NCOA2: variants seen among roughly 807,000 people sequenced by gnomAD.
NCOA2 encodes nuclear receptor coactivator 2.
NCOA2 carries 21 observed loss-of-function variants against 145.1 expected under a neutral mutation model. The ratio of observed to expected loss-of-function variants is 0.14; its 90% CI spans 0.10 to 0.21. The LOEUF is 0.21. Ranked by LOEUF, NCOA2 falls within the 10% of genes least tolerant of loss-of-function variation. NCOA2 has a pLI of 1.00. For synonymous variants in NCOA2, 619 were observed against 637.5 expected (o/e 0.97, Z 0.44); for missense variants, 1,472 against 1,837.6 (o/e 0.80, Z 3.64).
chr8:70,405,650 T>A (rs886107285), upstream of NCOA2, among the ~76,000 whole-genome samples: 1 of 151,472 alleles, frequency 6.6e-6, no homozygotes, highest in Non-Finnish European at 1.5e-5. Flanking sequence ...AACTGTGAGT[T>A]ATCAGGAGTT....
chr8:70,316,992 C>T (rs1236020455), intron 1 of NCOA2, among the ~76,000 whole-genome samples: 1 of 152,142 alleles, frequency 6.6e-6, no homozygotes, highest in East Asian at 1.9e-4. Flanking sequence ...ACTCTGATCT[C>T]TGCGTGGAGC....
chr8:70,280,541 C>T (rs188345740), intron 2 of NCOA2, among the ~76,000 whole-genome samples: 2 of 152,162 alleles, frequency 1.3e-5, no homozygotes, highest in East Asian at 3.9e-4. Context: ...CAACTACTTC[C>T]CTATGGGTGG....
chr8:70,150,065 A>T (rs967939315), intron 11 of NCOA2, among the ~76,000 whole-genome samples: 2 of 152,256 alleles, frequency 1.3e-5, no homozygotes, highest in African/African-American at 4.8e-5. Context: ...TTCTCAAGTT[A>T]GGAAGAATAG....
At chr8:70,193,389 T>G (rs541222498) in intron 4 of NCOA2, among the ~76,000 whole-genome samples, 31 of 152,246 alleles carry the variant, frequency 2.0e-4, no homozygotes, top group Admixed American at 1.1e-3. Context: ...TTAAAAGGTC[T>G]CTTTCTTTCT....
At chr8:70,183,563 A>G (rs1815721400) in intron 4 of NCOA2, among the ~76,000 whole-genome samples, 1 of 152,192 alleles carries the variant, frequency 6.6e-6, no homozygotes, top group Non-Finnish European at 1.5e-5. Context: ...TATACACCAT[A>G]GCAATATTTA....
intron 1 of NCOA2, among the ~76,000 whole-genome samples, chr8:70,358,694 T>C (rs1809955810): frequency 6.6e-6 from 1 of 152,194 alleles, no homozygotes; most frequent in African/African-American, 2.4e-5. Flanking sequence ...TTTACAACCT[T>C]GACTTGGCAC....
intron 2 of NCOA2, among the ~76,000 whole-genome samples, chr8:70,263,167 T>C (rs946368848): frequency 2.0e-5 from 3 of 147,224 alleles, no homozygotes; most frequent in African/African-American, 7.6e-5. Flanking sequence ...AGCACTGCGA[T>C]ACCTAGACAG....
the NCOA2 span, among the ~76,000 whole-genome samples, chr8:70,446,686 C>T: frequency 6.6e-6 from 1 of 152,074 alleles, no homozygotes; most frequent in African/African-American, 2.4e-5. Flanking sequence ...TTTTCAATTT[C>T]GCTCAGTTTT....
At position 70,385,297 on chromosome 8, in the gene NCOA2, G is replaced by A. The variant is rs182507929; in HGVS notation, c.-77+18403C>T. 4.2e-3 allele frequency among the ~76,000 whole-genome samples: 636 copies of A among 152,244 alleles called. 2 individuals carry two copies. The highest frequency in any genetic ancestry group is 7.0e-3 in the Non-Finnish European group (475 of 68,014). On this transcript the variant is annotated intron_variant, in intron 1 of 22. Transcript: ENST00000452400. ...GATTCAAAGTGACAATAACAACAGC[G>A]AACATTTACAAAAATTGGGGCGCAA...
intron 1 of NCOA2, among the ~76,000 whole-genome samples, chr8:70,397,787 C>T (rs1326073238): frequency 6.6e-6 from 1 of 152,190 alleles, no homozygotes; most frequent in African/African-American, 2.4e-5. Context: ...GTAAGCTAAT[C>T]AGTTAAGGGG....
In NCOA2 at chr8:70,248,408, G is replaced by A. The variant is rs186113774; in HGVS notation, c.-19-31644C>T. On this transcript the variant is annotated intron_variant, in intron 2 of 22. Coordinates refer to ENST00000452400, the MANE Select transcript of NCOA2 (RefSeq NM_006540.4). ...TCTCCTCATCCCTGCCAACAACCAC[G>A]ATACTCTGATTTTCTGTTACCACAG... Among the ~76,000 whole-genome samples the A allele has an allele frequency of 1.3e-3, 198 of 152,208 alleles. 1 individual carries two copies. The highest frequency in any genetic ancestry group is 4.4e-3 in the African/African-American group (182 of 41,530).
chr8:70,446,979 C>T, the NCOA2 span, among the ~76,000 whole-genome samples: 2 of 152,090 alleles, frequency 1.3e-5, no homozygotes. Flanking sequence ...GCTAAAATCA[C>T]CAAATCAAAA....
intron 2 of NCOA2, among the ~76,000 whole-genome samples, chr8:70,243,886 G>A (rs932732593): frequency 6.7e-6 from 1 of 150,250 alleles, no homozygotes; most frequent in Non-Finnish European, 1.5e-5. Context: ...TCTATGTAAA[G>A]TGCCAGTGTT....
intron 7 of NCOA2, among the ~76,000 whole-genome samples, chr8:70,165,647 A>G (rs1813524648): frequency 6.6e-6 from 1 of 152,198 alleles, no homozygotes; most frequent in South Asian, 2.1e-4. Context: ...TTTATGGCAA[A>G]CAGCCTAATA....
intron 1 of NCOA2, among the ~76,000 whole-genome samples, chr8:70,320,235 C>G (rs1805935333): frequency 6.6e-6 from 1 of 151,860 alleles, no homozygotes; most frequent in South Asian, 2.1e-4. Context: ...AGCTATATAT[C>G]TGGGTCTGTT....
At chr8:70,373,532 G>A (rs937927800) in intron 1 of NCOA2, among the ~76,000 whole-genome samples, 1 of 152,146 alleles carries the variant, frequency 6.6e-6, no homozygotes, top group East Asian at 1.9e-4. Flanking sequence ...TAGAACAGCA[G>A]ACAGCTTTAT....
Position 70,166,603 on chromosome 8 carries a change from A to G in NCOA2, c.693T>C (p.Ala231=), listed in dbSNP as rs745716393. The G allele has an allele frequency of 1.3e-5, 21 of 1,614,042 alleles. No homozygotes were observed. The East Asian group carries it at 4.2e-4, about 33-fold the overall frequency. Reference sequence around the variant, plus strand: ...CTTTGATGGACTTTGGTTGAGAGACAGCGAAGCACTGCATAGTTTCATATT... The same window carrying G: ...CTTTGATGGACTTTGGTTGAGAGACGGCGAAGCACTGCATAGTTTCATATT... ...HQKYETMQCF[A]VSQPKSIKEE... The change falls in exon 7 of 23, where the codon GCT becomes GCC. Residue 231 remains alanine (A), a synonymous_variant. Coordinates refer to ENST00000452400, the MANE Select transcript of NCOA2 (RefSeq NM_006540.4).
At chr8:70,414,682 C>T in the NCOA2 span, among the ~76,000 whole-genome samples, 8 of 152,134 alleles carry the variant, frequency 5.3e-5, no homozygotes, top group African/African-American at 1.9e-4. Context: ...AATTTAGGCT[C>T]CTCGAAAATC....
At position 70,153,273 on chromosome 8, in the gene NCOA2, C is replaced by T. The variant is rs546016643; in HGVS notation, c.2394+2698G>A. On this transcript the variant is annotated intron_variant, in intron 11 of 22. Coordinates refer to ENST00000452400, the MANE Select transcript of NCOA2 (RefSeq NM_006540.4). ...CATGCATGTGTGCCTGTGTACACTG[C>T]TTTTTGATTCACCCCAAAAAAACAG... 4.6e-5 allele frequency among the ~76,000 whole-genome samples: 7 copies of T among 152,242 alleles called. No individual in the cohort carries two copies. In the East Asian group the frequency reaches 1.4e-3, roughly 29 times the overall value.
Sources: allele counts gnomAD v4.1 joint callset (sites outside exome capture counted in the v4.1 genomes callset), GRCh38; gene constraint gnomAD v4.1.1; transcripts MANE v1.5; gene names NCBI Gene and HGNC (gene_info 2026-07-23, HGNC 2026-07-21).